The following PCDHGB4 variants were observed in gnomAD, a reference collection of about 807,000 sequenced individuals.
PCDHGB4 encodes protocadherin gamma subfamily B, 4.
A neutral mutation model predicts 60.5 loss-of-function variants in PCDHGB4; 38 were observed. The observed-to-expected ratio is 0.63, with a 90% CI of 0.48 to 0.82. The LOEUF is 0.82. PCDHGB4 is among the 40% of genes least tolerant of loss of function. PCDHGB4 has a pLI of 0.00. For synonymous variants in PCDHGB4, 456 were observed against 509.7 expected (o/e 0.89, Z 1.42); for missense variants, 1,109 against 1,209.6 (o/e 0.92, Z 1.23).
chr5:141,455,593 C>G (rs957677108), intron 1 of PCDHGB4, among the ~76,000 whole-genome samples: 19 of 152,068 alleles, frequency 1.2e-4, no homozygotes, highest in African/African-American at 4.6e-4. Context: ...AATATGCAAA[C>G]GTAGGGCGCC....
intron 3 of PCDHGB4, among the ~76,000 whole-genome samples, chr5:141,509,518 T>A (rs1441963133): frequency 6.6e-6 from 1 of 152,170 alleles, no homozygotes; most frequent in Non-Finnish European, 1.5e-5. Context: ...GTTGATGATG[T>A]ATTGCACAGG....
At chr5:141,409,163 G>A in intron 1 of PCDHGB4, 1 of 1,614,026 alleles carries the variant, frequency 6.2e-7, no homozygotes. Context: ...GGAAGTGGAA[G>A]CGAAGGACGG....
chr5:141,430,773 G>A (rs375524585), intron 1 of PCDHGB4: 2 of 1,507,932 alleles, frequency 1.3e-6, no homozygotes, highest in Non-Finnish European at 1.8e-6. Flanking sequence ...ATTCCTGCGC[G>A]ACTGCACCGG....
intron 1 of PCDHGB4, among the ~76,000 whole-genome samples, chr5:141,436,889 G>T (rs1319754318): frequency 6.6e-6 from 1 of 152,208 alleles, no homozygotes; most frequent in Non-Finnish European, 1.5e-5. Flanking sequence ...ATGGGGGAAA[G>T]ATTTTTATAT....
chr5:141,485,995 T>G lies in PCDHGB4; in HGVS notation c.2398-8812T>G. 1 of 1,614,176 alleles carries G rather than the reference T, an allele frequency of 6.2e-7. No individual in the cohort carries two copies. On this transcript the variant is annotated intron_variant, in intron 1 of 3. Transcript: ENST00000519479. The surrounding 1 kb of genome is among the most constrained non-coding windows in gnomAD (Gnocchi z 5.7). ...CCTCAGACCCGGACCTGGGTCCCAG[T>G]GGTAACGTCACCTTTTATTTCAGTG...
chr5:141,462,408 A>G (rs1240372917), intron 1 of PCDHGB4, among the ~76,000 whole-genome samples: 2 of 152,188 alleles, frequency 1.3e-5, no homozygotes, highest in Non-Finnish European at 2.9e-5. Context: ...ATGGCACAGA[A>G]TATGGTCTAT....
chr5:141,438,806 C>T (rs866521707), intron 1 of PCDHGB4, among the ~76,000 whole-genome samples: 20 of 149,390 alleles, frequency 1.3e-4, no homozygotes, highest in Admixed American at 6.7e-4. Flanking sequence ...GGATTACAGG[C>T]GCCTGTCACC....
rs61612330 is a variant in PCDHGB4 at position 141,454,796 on chromosome 5, A to ATTTTTTTTT, written c.2398-39990_2398-39982dup. Among the ~76,000 whole-genome samples the ATTTTTTTTT allele has an allele frequency of 8.2e-3, 638 of 77,468 alleles. 91 individuals carry two copies. The highest frequency in any genetic ancestry group is 0.025 in the African/African-American group (426 of 16,886). 50.8% of individuals were successfully genotyped at this position (77,468 alleles called of 152,430 possible). On this transcript the variant is annotated intron_variant, in intron 1 of 3. Coordinates refer to ENST00000519479, the MANE Select transcript of PCDHGB4 (RefSeq NM_003736.4). ...AAGGAAATAATCCTCCATGGTTCTA[A>ATTTTTTTTT]TTTTTTTTTTTTTTTTTTTTTTTTT...
intron 1 of PCDHGB4, chr5:141,427,267 A>C (rs1361287845): frequency 6.6e-6 from 3 of 456,648 alleles, no homozygotes; most frequent in Non-Finnish European, 1.3e-5. Flanking sequence ...ATGACCAGCG[A>C]ATGTAAAATT....
chr5:141,410,023 C>G, intron 1 of PCDHGB4: 1 of 1,613,310 alleles, frequency 6.2e-7, no homozygotes, highest in Non-Finnish European at 8.5e-7. Context: ...TGTCCTACCA[C>G]GTGCTGCAGG....
At chr5:141,424,092 C>G (rs1160250641) in intron 1 of PCDHGB4, 2 of 879,256 alleles carry the variant, frequency 2.3e-6, no homozygotes, top group Non-Finnish European at 2.8e-6. Context: ...CCATTATTTG[C>G]TATTACTGCT....
rs1264688160 is a variant in PCDHGB4, at chr5:141,493,193, G to A, written c.2398-1614G>A. 6.6e-6 allele frequency among the ~76,000 whole-genome samples: 1 copy of A among 152,128 alleles called. No individual in the cohort carries two copies. On this transcript the variant is annotated intron_variant, in intron 1 of 3. Transcript: ENST00000519479. This position sits in a 1 kb window ranked among gnomAD's most constrained non-coding sequence, Gnocchi z 4.3. ...GAGAAACTTACTATATAACTCCTTT[G>A]AGAACCTCATCTCATTTGCTCTTCC...
chr5:141,423,150 G>A, intron 1 of PCDHGB4: 1 of 1,613,538 alleles, frequency 6.2e-7, no homozygotes, highest in Non-Finnish European at 8.5e-7. Flanking sequence ...CGCTCAAGCA[G>A]AGCCTCGTGG....
At chr5:141,473,205 A>G (rs370808895) in intron 1 of PCDHGB4, among the ~76,000 whole-genome samples, 1 of 152,036 alleles carries the variant, frequency 6.6e-6, no homozygotes, top group African/African-American at 2.4e-5. Flanking sequence ...CTTCTAAAAA[A>G]TGCTTACTTC....
rs201968743 is a variant in PCDHGB4, at chr5:141,490,095, A to G, written c.2398-4712A>G. On this transcript the variant is annotated intron_variant, in intron 1 of 3. Coordinates refer to ENST00000519479, the MANE Select transcript of PCDHGB4 (RefSeq NM_003736.4). The surrounding 1 kb of genome is among the most constrained non-coding windows in gnomAD (Gnocchi z 5.4). ...TAGACTATTCTTTTGGAGACCACAC[A>G]TCTGAGGCAGTGCGGAACCTCTTTG... 2.4e-4 allele frequency: 394 copies of G among 1,614,156 alleles called. No individual in the cohort carries two copies. The highest frequency in any genetic ancestry group is 3.1e-4 in the Non-Finnish European group (363 of 1,180,054).
rs539892249 is a variant in PCDHGB4 at position 141,500,355 on chromosome 5, C to T, written c.2457-5038C>T. ...TCCAGAATAGCTGGGACTACAGGCG[C>T]CCACTACCACGCCCGGCTAATTATT... On this transcript the variant is annotated intron_variant, in intron 2 of 3. Coordinates refer to ENST00000519479, the MANE Select transcript of PCDHGB4 (RefSeq NM_003736.4). Among the ~76,000 whole-genome samples, 274 of 152,030 alleles carry T rather than the reference C, an allele frequency of 1.8e-3. 2 individuals are homozygous for T. The highest frequency in any genetic ancestry group is 6.3e-3 in the African/African-American group (263 of 41,478).
At chr5:141,421,320 G>T (rs1561793188) in intron 1 of PCDHGB4, 2 of 1,613,786 alleles carry the variant, frequency 1.2e-6, no homozygotes, top group Non-Finnish European at 1.7e-6. Flanking sequence ...GGGCCAGGCA[G>T]ATCCGATATT....
At chr5:141,471,078 T>C (rs1370939177) in intron 1 of PCDHGB4, among the ~76,000 whole-genome samples, 1 of 142,250 alleles carries the variant, frequency 7.0e-6, no homozygotes, top group Non-Finnish European at 1.5e-5. Context: ...AGACAGGGTC[T>C]CCCTCTGTTG....
chr5:141,434,194 G>A (rs913533813), intron 1 of PCDHGB4, among the ~76,000 whole-genome samples: 7 of 152,190 alleles, frequency 4.6e-5, no homozygotes, highest in African/African-American at 4.8e-5. Flanking sequence ...TAATTCCAAT[G>A]TACTTACTTC....
Sources: allele counts gnomAD v4.1 joint callset (sites outside exome capture counted in the v4.1 genomes callset), GRCh38; gene constraint gnomAD v4.1.1; non-coding constraint Gnocchi (gnomAD v3.1); transcripts MANE v1.5; gene names NCBI Gene and HGNC (gene_info 2026-07-23, HGNC 2026-07-21).